The following TOPBP1 variants were observed in gnomAD, a reference collection of about 807,000 sequenced individuals.
The protein encoded by TOPBP1 is DNA topoisomerase 2-binding protein 1.
Under a neutral mutation model 167.7 loss-of-function variants are expected in TOPBP1, and 28 were observed. The observed-to-expected ratio is 0.17, with a 90% confidence interval of 0.12 to 0.23. The LOEUF is 0.23. Ranked by LOEUF, TOPBP1 falls within the 10% of genes least tolerant of loss-of-function variation. The pLI, the probability that TOPBP1 is intolerant of heterozygous loss-of-function variation, is 1.00. For synonymous variants in TOPBP1, 598 were observed against 611.4 expected (o/e 0.98, Z 0.32); for missense variants, 1,554 against 1,809.6 (o/e 0.86, Z 2.56).
At position 133,640,124 on chromosome 3, in the gene TOPBP1, A is replaced by C; in HGVS notation, c.2068T>G (p.Phe690Val). Residue 690 changes from phenylalanine (F) to valine (V), a missense_variant, in exon 13 of 28, where the codon TTT (phenylalanine) becomes GTT (valine). Phe to Val is a conservative substitution (Grantham distance 50). This residue lies in a region of TOPBP1 where 1,197 missense variants were observed against 1,351.5 expected (regional missense o/e 0.89). Transcript: ENST00000260810. The stretch of plus-strand genomic sequence containing the variant: ...TTCAGTATAAGATGAGTACTGGCAA[A>C]CATGCCTTTCTTTGCATTGGATTTG... The part of the protein sequence containing the change: ...VRKSNAKKGM[F>V]ASTHLILKER... 2 of 1,613,810 alleles carry C rather than the reference A, an allele frequency of 1.2e-6. No homozygotes were observed. Among genetic ancestry groups the C allele is most frequent in the Non-Finnish European group, 1.7e-6 (2 of 1,179,840 alleles).
At chr3:133,629,697 A>C (rs1014025269) in intron 14 of TOPBP1, among the ~76,000 whole-genome samples, 1 of 152,206 alleles carries the variant, frequency 6.6e-6, no homozygotes, top group Non-Finnish European at 1.5e-5. Context: ...TGACAATCTG[A>C]TAAGACTAAA....
intron 19 of TOPBP1, among the ~76,000 whole-genome samples, chr3:133,621,439 T>C (rs1214876202): frequency 2.0e-5 from 3 of 152,096 alleles, no homozygotes; most frequent in Admixed American, 6.5e-5. Context: ...ATGAAAAATA[T>C]CACAATTAAA....
intron 27 of TOPBP1, among the ~76,000 whole-genome samples, chr3:133,605,502 T>C (rs1470173921): frequency 1.3e-5 from 2 of 150,536 alleles, no homozygotes; most frequent in African/African-American, 4.9e-5. Flanking sequence ...TAATTCCCCA[T>C]AGTAATAGAA....
chr3:133,636,957 A>G (rs1301864032), intron 14 of TOPBP1, among the ~76,000 whole-genome samples: 2 of 152,156 alleles, frequency 1.3e-5, no homozygotes, highest in East Asian at 1.9e-4. Context: ...GTAAAGACAC[A>G]CTTTTTTTAA....
chr3:133,651,344 G>A (rs933611929), intron 8 of TOPBP1, among the ~76,000 whole-genome samples: 14 of 151,396 alleles, frequency 9.2e-5, no homozygotes, highest in Admixed American at 2.6e-4. Context: ...CTGCCACAAC[G>A]CCCAGCTAAT....
chr3:133,655,576 T>C, intron 5 of TOPBP1, 90 bp from the exon 6 acceptor site: 1 of 674,430 alleles, frequency 1.5e-6, no homozygotes, highest in Non-Finnish European at 2.2e-6. Flanking sequence ...GCTTCCCTCA[T>C]TTTTTAGGAT....
intron 13 of TOPBP1, among the ~76,000 whole-genome samples, chr3:133,639,536 A>T (rs553269460): frequency 2.5e-4 from 38 of 152,334 alleles, no homozygotes; most frequent in Admixed American, 2.2e-3. Flanking sequence ...AACATGACAC[A>T]TGTATACATA....
rs1022398987 is a variant in TOPBP1, at chr3:133,615,039, G to GT, written c.3871+1774dup. Among the ~76,000 whole-genome samples the GT allele has an allele frequency of 1.5e-4, 23 of 148,764 alleles. 1 individual carries two copies. Among genetic ancestry groups the GT allele is most frequent in the African/African-American group, 5.4e-4 (22 of 40,664 alleles). ...GCTTCACCCGCAAAAAAAAGAGAAA[G>GT]TTTTTCCAAGTATACAACTGTATTT... On this transcript the variant is annotated intron_variant, in intron 23 of 27. Coordinates refer to ENST00000260810, the MANE Select transcript of TOPBP1 (RefSeq NM_007027.4).
intron 5 of TOPBP1, 83 bp from the exon 6 acceptor site, chr3:133,655,569 T>C: frequency 1.4e-6 from 1 of 728,002 alleles, no homozygotes; most frequent in Non-Finnish European, 2.0e-6. Flanking sequence ...CACTATTGCT[T>C]CCCTCATTTT....
chr3:133,602,296 G>T (rs1487553380), intron 27 of TOPBP1, among the ~76,000 whole-genome samples: 2 of 152,176 alleles, frequency 1.3e-5, no homozygotes, highest in Non-Finnish European at 2.9e-5. Context: ...TCTGTATCCT[G>T]CAAAACTGTC....
chr3:133,622,056 G>C (rs920620374), intron 19 of TOPBP1, among the ~76,000 whole-genome samples: 3 of 151,238 alleles, frequency 2.0e-5, no homozygotes, highest in Non-Finnish European at 4.4e-5. Flanking sequence ...GAAAGGGAGG[G>C]AAGGAAGGAA....
intron 8 of TOPBP1, among the ~76,000 whole-genome samples, chr3:133,650,364 T>TGGGGGGC (rs1936247282): frequency 1.0e-5 from 1 of 99,314 alleles, no homozygotes; most frequent in Non-Finnish European, 2.0e-5. Flanking sequence ...TGTGTGTGTG[T>TGGGGGGC]GGGGGGCGGG....
At chr3:133,615,272 C>T (rs530740713) in intron 23 of TOPBP1, among the ~76,000 whole-genome samples, 9 of 152,158 alleles carry the variant, frequency 5.9e-5, no homozygotes, top group South Asian at 2.1e-4. Context: ...CAGTTCGAGA[C>T]CAGCCTGGCC....
intron 11 of TOPBP1, among the ~76,000 whole-genome samples, chr3:133,643,812 C>T (rs1935980426): frequency 6.6e-6 from 1 of 152,032 alleles, no homozygotes; most frequent in African/African-American, 2.4e-5. Context: ...CTGCTGTGGC[C>T]CTGGGAAACA....
rs375309836 is a variant in TOPBP1 at position 133,638,131 on chromosome 3, T to C, written c.2265A>G (p.Gly755=). ...ERSLETEITN[G]INLNSDTAEH... is the part of the protein sequence containing the mutation. The stretch of plus-strand genomic sequence containing the variant: ...CTGCAGTATCTGAATTTAGATTGAT[T>C]CCATTTGTTATTTCTGTTTCCAAAC... The change falls in exon 14 of 28, where the codon GGA becomes GGG. Residue 755 remains glycine (G), a synonymous_variant. Coordinates refer to ENST00000260810, the MANE Select transcript of TOPBP1 (RefSeq NM_007027.4). The C allele has an allele frequency of 5.0e-6, 8 of 1,613,794 alleles. No homozygotes were observed. The African/African-American group carries it at 1.1e-4, about 22-fold the overall frequency.
At chr3:133,642,514 C>T (rs920849686) in intron 12 of TOPBP1, among the ~76,000 whole-genome samples, 16 of 152,188 alleles carry the variant, frequency 1.1e-4, no homozygotes, top group Admixed American at 5.2e-4. Context: ...TATAGTTTAA[C>T]GTGTTATTCT....
chr3:133,632,498 TG>T (rs1278851099), intron 14 of TOPBP1, among the ~76,000 whole-genome samples: 1 of 152,222 alleles, frequency 6.6e-6, no homozygotes. Context: ...TTATAGATCT[TG>T]ACAATGTTTA....
At chr3:133,656,624 AT>A in intron 5 of TOPBP1, 51 bp downstream of exon 5, 1 of 1,519,762 alleles carries the variant, frequency 6.6e-7, no homozygotes. Flanking sequence ...GCCAAAAATG[AT>A]TGAATGCATC....
chr3:133,613,305 C>T (rs938709312), intron 23 of TOPBP1, among the ~76,000 whole-genome samples: 1 of 152,204 alleles, frequency 6.6e-6, no homozygotes, highest in African/African-American at 2.4e-5. Flanking sequence ...AGATTCTTTG[C>T]TGTCTCAGTA....
Sources: allele counts gnomAD v4.1 joint callset (sites outside exome capture counted in the v4.1 genomes callset), GRCh38; gene constraint gnomAD v4.1.1; regional missense constraint gnomAD v4.1.1; transcripts MANE v1.5; gene names NCBI Gene and HGNC (gene_info 2026-07-23, HGNC 2026-07-21).